The following LMBRD1 variants were observed in gnomAD, a reference collection of about 807,000 sequenced individuals.
LMBRD1 encodes the protein LMBR1 domain containing 1.
A neutral mutation model predicts 74.8 loss-of-function variants in LMBRD1; 64 were observed. The observed-to-expected ratio is 0.86, with a 90% CI of 0.70 to 1.05. LMBRD1 has a LOEUF of 1.05. Among genes scored for constraint, LMBRD1 ranks in the 50% least tolerant of loss-of-function variants. The probability of loss-of-function intolerance (pLI) is 0.00; values close to 1 mark genes in which losing one functional copy is unlikely to be tolerated. For synonymous variants in LMBRD1, 204 were observed against 216.3 expected (o/e 0.94, Z 0.50); for missense variants, 652 against 645.9 (o/e 1.01, Z -0.10).
At position 69,705,338 on chromosome 6, in the gene LMBRD1, C is replaced by T. The variant is rs1766229314; in HGVS notation, c.916-3385G>A. 1.7e-5 allele frequency: 13 copies of T among 772,298 alleles called. No individual in the cohort carries two copies. In the South Asian group the frequency reaches 1.7e-4, roughly 10 times the overall value. The allele number at this position is 772,298 out of a possible 1,614,324, so 47.8% of individuals were successfully genotyped here. On this transcript the variant is annotated intron_variant, in intron 9 of 15. Coordinates refer to ENST00000649934, the MANE Select transcript of LMBRD1 (RefSeq NM_018368.4). ...GATCTTGAATAGCCTCCTGGTCAGT[C>T]ATCCGGAAGCAATTCTTCATATAAT...
At chr6:69,748,568 C>A (rs993213167) in intron 5 of LMBRD1, among the ~76,000 whole-genome samples, 3 of 151,958 alleles carry the variant, frequency 2.0e-5, no homozygotes, top group Non-Finnish European at 2.9e-5. Flanking sequence ...TTACAAGTTA[C>A]ATGTAATAAG....
At chr6:69,691,605 G>T (rs549555267) in intron 14 of LMBRD1, among the ~76,000 whole-genome samples, 1 of 152,006 alleles carries the variant, frequency 6.6e-6, no homozygotes, top group African/African-American at 2.4e-5. Context: ...GGCCGGGCAC[G>T]TTGGCTCAAG....
chr6:69,764,113 T>A lies in LMBRD1; in HGVS notation c.308-11757A>T, dbSNP rs1008652625. Among the ~76,000 whole-genome samples the A allele has an allele frequency of 2.0e-5, 3 of 152,304 alleles. No homozygotes were observed. The South Asian group carries it at 6.2e-4, about 32-fold the overall frequency. On this transcript the variant is annotated intron_variant, in intron 3 of 15. Coordinates refer to ENST00000649934, the MANE Select transcript of LMBRD1 (RefSeq NM_018368.4). ...ACGTATTTTGCATAGGAAATGGACA[T>A]GGATTCTGGGCTGCCAGGAGTGGAA...
At chr6:69,745,037 T>C (rs1315004643) in intron 5 of LMBRD1, among the ~76,000 whole-genome samples, 1 of 151,872 alleles carries the variant, frequency 6.6e-6, no homozygotes, top group East Asian at 1.9e-4. Context: ...GAAGTCACCA[T>C]GTTGGCCAGC....
chr6:69,767,158 G>T (rs950075657), intron 3 of LMBRD1, among the ~76,000 whole-genome samples: 1 of 151,058 alleles, frequency 6.6e-6, no homozygotes, highest in Non-Finnish European at 1.5e-5. Flanking sequence ...TTTTTTCAAA[G>T]AACCTACTTT....
Position 69,738,062 on chromosome 6 carries a change from A to G in LMBRD1, c.563-47T>C, listed in dbSNP as rs374706086. ...TAAAAATGTACATATATACTACTCA[A>G]ATCCTTATATTTAGCAAATCAACAT... On this transcript the variant is annotated intron_variant, in intron 6 of 15. Transcript: ENST00000649934. 27 of 1,331,626 alleles carry G rather than the reference A, an allele frequency of 2.0e-5. No homozygotes were observed. In the African/African-American group the frequency reaches 3.8e-4, roughly 19 times the overall value. The allele number at this position is 1,331,626 out of a possible 1,614,324, so 82.5% of individuals were successfully genotyped here. A position where few individuals can be genotyped will look rare whatever the true frequency, so the allele number is the denominator to read the frequency against.
At chr6:69,751,732 C>A (rs985378202) in intron 4 of LMBRD1, among the ~76,000 whole-genome samples, 4 of 152,214 alleles carry the variant, frequency 2.6e-5, no homozygotes, top group Admixed American at 1.3e-4. Context: ...TGTGCCACAT[C>A]TGATTCATCT....
intron 13 of LMBRD1, among the ~76,000 whole-genome samples, chr6:69,697,965 T>C (rs1766043209): frequency 6.6e-6 from 1 of 152,074 alleles, no homozygotes; most frequent in African/African-American, 2.4e-5. Flanking sequence ...GAATATCTTT[T>C]GTCCAAGCAA....
chr6:69,793,927 C>T (rs936543758), intron 1 of LMBRD1, among the ~76,000 whole-genome samples: 5 of 151,776 alleles, frequency 3.3e-5, no homozygotes, highest in African/African-American at 1.2e-4. Context: ...TGCCATGCTG[C>T]CCAGGCTGGT....
At chr6:69,741,471 C>T (rs1168964378) in intron 6 of LMBRD1, among the ~76,000 whole-genome samples, 5 of 152,074 alleles carry the variant, frequency 3.3e-5, no homozygotes, top group African/African-American at 1.2e-4. Context: ...CTGCAACCTC[C>T]ACCTCCCAGG....
At chr6:69,752,499 A>C in intron 3 of LMBRD1, 143 bp from the exon 4 acceptor site, 1 of 648,038 alleles carries the variant, frequency 1.5e-6, no homozygotes, top group Non-Finnish European at 2.6e-6. Context: ...TATATAGTAC[A>C]TGATGCCCAA....
chr6:69,705,891 C>T, intron 9 of LMBRD1: 1 of 1,344,378 alleles, frequency 7.4e-7, no homozygotes, highest in Non-Finnish European at 1.0e-6. Flanking sequence ...TTTCAAAGCC[C>T]CTAAGGAAAA....
At chr6:69,759,560 T>C (rs555395772) in intron 3 of LMBRD1, among the ~76,000 whole-genome samples, 5 of 152,118 alleles carry the variant, frequency 3.3e-5, no homozygotes, top group East Asian at 1.9e-4. Context: ...ATACCTGATA[T>C]ACCACTTGAA....
chr6:69,789,971 T>C (rs1766042312), intron 2 of LMBRD1, among the ~76,000 whole-genome samples: 1 of 152,280 alleles, frequency 6.6e-6, no homozygotes, highest in East Asian at 1.9e-4. Context: ...GATCCTGATC[T>C]GCCACTAACA....
chr6:69,776,060 G>A (rs893953252), intron 3 of LMBRD1, among the ~76,000 whole-genome samples: 1 of 152,012 alleles, frequency 6.6e-6, no homozygotes, highest in African/African-American at 2.4e-5. Context: ...TAACAAATGT[G>A]GTTTTTTCAA....
At chr6:69,766,898 G>A (rs1456446223) in intron 3 of LMBRD1, among the ~76,000 whole-genome samples, 1 of 151,598 alleles carries the variant, frequency 6.6e-6, no homozygotes, top group East Asian at 1.9e-4. Context: ...CAACTTCTAT[G>A]CTTGCTACAG....
intron 14 of LMBRD1, among the ~76,000 whole-genome samples, chr6:69,684,104 T>C (rs558302236): frequency 6.6e-6 from 1 of 152,186 alleles, no homozygotes; most frequent in East Asian, 1.9e-4. Flanking sequence ...ATTATAATTT[T>C]ACTTAAAGGA....
At chr6:69,732,043 T>C (rs1018016884) in intron 7 of LMBRD1, among the ~76,000 whole-genome samples, 3 of 152,104 alleles carry the variant, frequency 2.0e-5, no homozygotes, top group South Asian at 4.1e-4. Flanking sequence ...AAAGTAACGG[T>C]GCACCTTACA....
rs1293496987 is a variant in LMBRD1, at chr6:69,701,504, A to G, written c.1022T>C (p.Phe341Ser). The G allele has an allele frequency of 6.2e-7, 1 of 1,608,576 alleles. No individual in the cohort carries two copies. Among genetic ancestry groups the G allele is most frequent in the Admixed American group, 1.7e-5 (1 of 59,672 alleles). The change falls in exon 11 of 16, where the codon TTC (phenylalanine) becomes TCC (serine). Residue 341 changes from phenylalanine (F) to serine (S), a missense_variant. Physicochemically the swap from Phe to Ser is radical, Grantham distance 155. Around this residue, in one of 3 missense-constraint regions of LMBRD1, gnomAD observed 598 missense variants for 581.8 expected, o/e 1.03. Coordinates refer to ENST00000649934, the MANE Select transcript of LMBRD1 (RefSeq NM_018368.4). Reference sequence around the variant, plus strand: ...ACTCAGGTTAGCTCCAAAAATTATGAAACCAGAATCTATTCCAGCTGAATG... The same window carrying G: ...ACTCAGGTTAGCTCCAAAAATTATGGAACCAGAATCTATTCCAGCTGAATG... Reference protein sequence around the residue: ...ALHSAGIDSGFIIFGANLSNP... With the variant: ...ALHSAGIDSGSIIFGANLSNP...
Sources: allele counts gnomAD v4.1 joint callset (sites outside exome capture counted in the v4.1 genomes callset), GRCh38; gene constraint gnomAD v4.1.1; regional missense constraint gnomAD v4.1.1; transcripts MANE v1.5; gene names NCBI Gene and HGNC (gene_info 2026-07-23, HGNC 2026-07-21).